The following FSIP2 variants were observed in gnomAD, a reference collection of about 807,000 sequenced individuals.
FSIP2 encodes the protein fibrous sheath interacting protein 2, also known as fibrous sheath-interacting protein 2.
FSIP2 carries 367 observed loss-of-function variants against 510.5 expected under a neutral mutation model. The observed-to-expected ratio is 0.72, with a 90% CI of 0.66 to 0.78. FSIP2 has a LOEUF of 0.78. Among genes scored for constraint, FSIP2 ranks in the 30% least tolerant of loss-of-function variants. The pLI is 0.00. For synonymous variants in FSIP2, 2,601 were observed against 2,732.2 expected, an observed-to-expected ratio of 0.95 and a Z score of 1.50; for missense variants, 7,594 against 7,901.7, an observed-to-expected ratio of 0.96 and a Z score of 1.48.
chr2:185,745,366 G>T (rs1692006709), intron 4 of FSIP2, 63 bp from the exon 5 acceptor site: 1 of 942,394 alleles, frequency 1.1e-6, no homozygotes, highest in Non-Finnish European at 1.5e-6. Flanking sequence ...AAATTTAAAT[G>T]GTTTTATTTC....
intron 19 of FSIP2, among the ~76,000 whole-genome samples, chr2:185,823,914 A>C (rs1199655036): frequency 6.6e-6 from 1 of 151,788 alleles, no homozygotes; most frequent in Non-Finnish European, 1.5e-5. Flanking sequence ...AAAAGGAAGG[A>C]TATTATGACA....
intron 13 of FSIP2, among the ~76,000 whole-genome samples, chr2:185,781,864 G>A (rs1029192759): frequency 6.7e-6 from 1 of 150,006 alleles, no homozygotes; most frequent in African/African-American, 2.5e-5. Flanking sequence ...TTGAGACGGA[G>A]TCTTGCTCTG....
intron 19 of FSIP2, among the ~76,000 whole-genome samples, chr2:185,816,671 C>A (rs1693831320): frequency 6.6e-6 from 1 of 151,380 alleles, no homozygotes; most frequent in Admixed American, 6.6e-5. Context: ...GACCCTAACT[C>A]TACTAAAATA....
At chr2:185,783,697 C>T (rs564169984) in intron 14 of FSIP2, 1 of 152,166 alleles carries the variant, frequency 6.6e-6, no homozygotes, top group Non-Finnish European at 1.5e-5. Context: ...CGTGTGTAGA[C>T]CATATGTAAA....
chr2:185,740,054 A>G (rs778937201), intron 2 of FSIP2, among the ~76,000 whole-genome samples: 31 of 152,144 alleles, frequency 2.0e-4, no homozygotes, highest in Non-Finnish European at 2.8e-4. Flanking sequence ...CTTTCCATCC[A>G]GCATTGTCTC....
At position 185,790,388 on chromosome 2, in the gene FSIP2, A is replaced by T; in HGVS notation, c.3252A>T (p.Lys1084Asn). ...ATCATGAAGATATTTTAAAGAAAAA[A>T]CTTTCTTCGAATAAAGACATTTCAA... The part of the protein sequence containing the change: ...STNHEDILKK[K>N]LSSNKDISTF... The change falls in exon 16 of 23, where the codon AAA (lysine) becomes AAT (asparagine). Residue 1084 changes from lysine (K) to asparagine (N), a missense_variant. Transcript: ENST00000424728. 1 of 1,527,570 alleles carries T rather than the reference A, an allele frequency of 6.5e-7. No individual in the cohort carries two copies. The highest frequency in any genetic ancestry group is 8.7e-7 in the Non-Finnish European group (1 of 1,143,864). The allele number at this position is 1,527,570 out of a possible 1,614,324, so 94.6% of individuals were successfully genotyped here. A position where few individuals can be genotyped will look rare whatever the true frequency, so the allele number is the denominator to read the frequency against.
In FSIP2 at chr2:185,796,130, C is replaced by T. The variant is rs1055179609; in HGVS notation, c.8994C>T (p.Asn2998=). 1.3e-6 allele frequency: 2 copies of T among 1,534,212 alleles called. No individual in the cohort carries two copies. Among genetic ancestry groups the T allele is most frequent in the Admixed American group, 3.9e-5 (2 of 50,772 alleles). The part of the protein sequence containing the change: ...IVQEIVETVL[N]MLESFVDLQF... The stretch of plus-strand genomic sequence containing the variant: ...AAGAGATTGTAGAAACGGTTTTAAA[C>T]ATGTTAGAGTCATTTGTGGACTTGC... Residue 2998 remains asparagine (N), a synonymous_variant, in exon 16 of 23, where the codon AAC becomes AAT. Coordinates refer to ENST00000424728, the MANE Select transcript of FSIP2 (RefSeq NM_173651.4).
chr2:185,755,627 G>T (rs1014158225), intron 8 of FSIP2, among the ~76,000 whole-genome samples: 4 of 151,510 alleles, frequency 2.6e-5, no homozygotes, highest in Non-Finnish European at 5.9e-5. Flanking sequence ...GAAAGTAAAA[G>T]AAAGGAAGTA....
At position 185,802,043 on chromosome 2, in the gene FSIP2, T is replaced by C; in HGVS notation, c.12737T>C (p.Ile4246Thr). ...VSRSPIMIDQ[I>T]ASFIIQEIIE... ...CGAAGCCCAATTATGATTGACCAAA[T>C]AGCCAGCTTTATCATCCAAGAGATT... is the stretch of plus-strand genomic sequence containing the variant. The change falls in exon 17 of 23, where the codon ATA (isoleucine) becomes ACA (threonine). Residue 4246 changes from isoleucine to threonine, a missense_variant. Physicochemically the swap from Ile to Thr is moderately conservative, Grantham distance 89. Transcript: ENST00000424728. The C allele has an allele frequency of 6.5e-7, 1 of 1,532,126 alleles. No homozygotes were observed. The highest frequency in any genetic ancestry group is 2.0e-5 in the Admixed American group (1 of 50,556). The allele number at this position is 1,532,126 out of a possible 1,614,324, so 94.9% of individuals were successfully genotyped here. A position where few individuals can be genotyped will look rare whatever the true frequency, so the allele number is the denominator to read the frequency against.
In FSIP2 at chr2:185,789,439, C is replaced by G; in HGVS notation, c.2303C>G (p.Ser768Cys). 6 of 1,534,644 alleles carry G rather than the reference C, an allele frequency of 3.9e-6. No homozygotes were observed. The highest frequency in any genetic ancestry group is 5.2e-6 in the Non-Finnish European group (6 of 1,145,830). ...GAAAATATGCTTGAGAAGTTAGAGT[C>G]TGCAGTTGAGAAAAAATGTGTTGAG... ...IVENMLEKLE[S>C]AVEKKCVEMF... Residue 768 changes from serine to cysteine, a missense_variant, in exon 16 of 23, where the codon TCT becomes TGT. Coordinates refer to ENST00000424728, the MANE Select transcript of FSIP2 (RefSeq NM_173651.4).
chr2:185,777,844 G>A (rs557295681), intron 13 of FSIP2, among the ~76,000 whole-genome samples: 19 of 152,088 alleles, frequency 1.2e-4, no homozygotes, highest in African/African-American at 3.9e-4. Context: ...TACAGTTTTC[G>A]TGTCAAGATT....
rs1459347756 is a variant in FSIP2, at chr2:185,791,609, C to A, written c.4473C>A (p.Ile1491=). ...TTTCTAAAGCAATTTTGGATTATATCCTTGCAAAATTATGTGGTGTTGACA... is the reference window on the plus strand; with the variant it reads ...TTTCTAAAGCAATTTTGGATTATATACTTGCAAAATTATGTGGTGTTGACA... ...QLISKAILDY[I]LAKLCGVDMD... Residue 1491 remains isoleucine, a synonymous_variant, in exon 16 of 23, where the codon ATC becomes ATA. Transcript: ENST00000424728. 21 of 1,533,960 alleles carry A rather than the reference C, an allele frequency of 1.4e-5. No homozygotes were observed. In the East Asian group the frequency reaches 4.7e-4, roughly 34 times the overall value.
At chr2:185,768,886 G>T (rs1400101073) in intron 13 of FSIP2, among the ~76,000 whole-genome samples, 1 of 152,074 alleles carries the variant, frequency 6.6e-6, no homozygotes, top group Non-Finnish European at 1.5e-5. Context: ...TGCGGATTTG[G>T]TTTTCTGTTC....
intron 13 of FSIP2, among the ~76,000 whole-genome samples, chr2:185,779,160 A>G (rs1227129633): frequency 3.9e-5 from 6 of 152,018 alleles, no homozygotes; most frequent in Non-Finnish European, 8.8e-5. Flanking sequence ...ACTGAACCCA[A>G]TCAATTTGTA....
chr2:185,814,018 T>C lies in FSIP2; in HGVS notation c.20301T>C (p.Ser6767=). 1 of 1,612,610 alleles carries C rather than the reference T, an allele frequency of 6.2e-7. No homozygotes were observed. The highest frequency in any genetic ancestry group is 8.5e-7 in the Non-Finnish European group (1 of 1,179,304). The change falls in exon 18 of 23, where the codon TCT becomes TCC. Residue 6767 remains serine (S), a synonymous_variant. Coordinates refer to ENST00000424728, the MANE Select transcript of FSIP2 (RefSeq NM_173651.4). ...CGATGCCTGAAACAGCCTCTTCATC[T>C]TGGGAGGAAAAGCCCCAGTGTAAGG... ...PKTMPETASS[S]WEEKPQCKKE...
In FSIP2 at chr2:185,788,954, G is replaced by A. The variant is rs1449217814; in HGVS notation, c.1818G>A (p.Val606=). Residue 606 remains valine, a synonymous_variant, in exon 16 of 23, where the codon GTG becomes GTA. Coordinates refer to ENST00000424728, the MANE Select transcript of FSIP2 (RefSeq NM_173651.4). The part of the protein sequence containing the change: ...TTPIKPPPAH[V]EKTVVGKTCH... ...CTATAAAACCTCCTCCTGCACATGT[G>A]GAAAAAACAGTTGTGGGGAAAACAT... The A allele has an allele frequency of 6.5e-7, 1 of 1,534,676 alleles. No individual in the cohort carries two copies. Among genetic ancestry groups the A allele is most frequent in the Admixed American group, 2.0e-5 (1 of 50,876 alleles).
Position 185,790,155 on chromosome 2 carries a change from G to A in FSIP2, c.3019G>A (p.Glu1007Lys), listed in dbSNP as rs1693086021. 1 of 1,532,704 alleles carries A rather than the reference G, an allele frequency of 6.5e-7. No homozygotes were observed. The highest frequency in any genetic ancestry group is 2.0e-5 in the Admixed American group (1 of 50,690). The allele number at this position is 1,532,704 out of a possible 1,614,324, so 94.9% of individuals were successfully genotyped here. Residue 1007 changes from glutamate (E) to lysine (K), a missense_variant, in exon 16 of 23, where the codon GAA becomes AAA. Physicochemically the swap from Glu to Lys is moderately conservative, Grantham distance 56. Transcript: ENST00000424728. ...MVLYSDDENE[E>K]IDNIVKNVLD... is the part of the protein sequence containing the mutation. ...TCTTTATTCTGATGATGAAAATGAG[G>A]AAATAGACAATATTGTAAAAAATGT... is the stretch of plus-strand genomic sequence containing the variant.
In FSIP2 at chr2:185,808,679, T is replaced by C. The variant is rs1326399516; in HGVS notation, c.19373T>C (p.Ile6458Thr). 7 of 1,609,408 alleles carry C rather than the reference T, an allele frequency of 4.3e-6. No homozygotes were observed. The Middle Eastern group carries it at 6.7e-4, about 153-fold the overall frequency. ...TTTCCTAAAAAAGTGGCTAGTTTAA[T>C]TATTGATGGAGTTTCAAGTTTTCCA... The part of the protein sequence containing the change: ...TAFPKKVASL[I>T]IDGVSSFPLD... The change falls in exon 17 of 23, where the codon ATT (isoleucine) becomes ACT (threonine). Residue 6458 changes from isoleucine to threonine, a missense_variant. Transcript: ENST00000424728.
intron 13 of FSIP2, among the ~76,000 whole-genome samples, chr2:185,773,546 C>T (rs191103411): frequency 7.2e-5 from 11 of 152,260 alleles, no homozygotes; most frequent in Non-Finnish European, 1.0e-4. Flanking sequence ...TCAAAATACA[C>T]GTGCTTCAGT....
Sources: gnomAD v4.1 joint callset for allele counts (sites outside exome capture counted in the v4.1 genomes callset) on GRCh38, gnomAD v4.1.1 for gene constraint, MANE v1.5 for transcripts, NCBI Gene and HGNC (gene_info 2026-07-23, HGNC 2026-07-21) for gene names.